Variants in LAMC2 observed in about 807,000 individuals in gnomAD.
LAMC2 encodes laminin subunit gamma 2.
Under a neutral mutation model 140.2 loss-of-function variants are expected in LAMC2, and 97 were observed. That is an observed-to-expected ratio of 0.69 (90% confidence interval 0.59 to 0.82). The LOEUF is 0.82. LAMC2 is among the 40% of genes least tolerant of loss of function. The pLI is 0.00. For missense variants in LAMC2, 1,402 were observed against 1,476.1 expected, an observed-to-expected ratio of 0.95 and a Z score of 0.82; for synonymous variants, 513 against 540.2, an observed-to-expected ratio of 0.95 and a Z score of 0.70.
chr1:183,237,630 G>A (rs988163779), intron 18 of LAMC2, 126 bp downstream of exon 18: 61 of 1,016,308 alleles, frequency 6.0e-5, no homozygotes, highest in South Asian at 9.9e-5. Flanking sequence ...TGTAATCCCC[G>A]CACTTTTGGA....
At chr1:183,249,202 T>C (rs942085558), downstream of LAMC2, 7 of 152,176 alleles carry the variant, frequency 4.6e-5, no homozygotes, top group Admixed American at 1.3e-4. Context: ...CTTGTTCCTA[T>C]GTACATTCAA....
chr1:183,201,360 G>C (rs1337653668), intron 1 of LAMC2, among the ~76,000 whole-genome samples: 1 of 151,958 alleles, frequency 6.6e-6, no homozygotes, highest in Non-Finnish European at 1.5e-5. Flanking sequence ...CCCATACCTG[G>C]GTTCCAACAC....
At chr1:183,202,876 G>T (rs575193133) in intron 1 of LAMC2, among the ~76,000 whole-genome samples, 5 of 152,246 alleles carry the variant, frequency 3.3e-5, no homozygotes, top group African/African-American at 1.2e-4. Flanking sequence ...CCATTGCCTA[G>T]AACTCAGGGA....
At position 183,221,768 on chromosome 1, in the gene LAMC2, C is replaced by T. The variant is rs639207; in HGVS notation, c.641-321C>T. Among the ~76,000 whole-genome samples, 801 of 149,730 alleles carry T rather than the reference C, an allele frequency of 5.3e-3. 7 individuals are homozygous for T. Among genetic ancestry groups the T allele is most frequent in the Non-Finnish European group, 9.6e-3 (648 of 67,690 alleles). On this transcript the variant is annotated intron_variant, in intron 5 of 22. Coordinates refer to ENST00000264144, the MANE Select transcript of LAMC2 (RefSeq NM_005562.3). ...TGAAAAAAAAATGAAAAGACTGGAC[C>T]CTCTCACTTCATTAAGGTGAGAGCT...
chr1:183,198,553 C>T (rs909709353), intron 1 of LAMC2, among the ~76,000 whole-genome samples: 3 of 152,136 alleles, frequency 2.0e-5, no homozygotes, highest in Non-Finnish European at 2.9e-5. Flanking sequence ...ACTAAGCAAC[C>T]GAAATGGTAG....
chr1:183,256,910 C>G, the LAMC2 span, among the ~76,000 whole-genome samples: 2 of 151,954 alleles, frequency 1.3e-5, no homozygotes, highest in Non-Finnish European at 2.9e-5. Context: ...TGCCACCATG[C>G]CTGGATAATT....
chr1:183,207,016 C>G (rs1325086251), intron 1 of LAMC2, among the ~76,000 whole-genome samples: 3 of 152,230 alleles, frequency 2.0e-5, no homozygotes, highest in African/African-American at 7.2e-5. Context: ...GAGGGATCCT[C>G]TTTACAATCC....
rs1180215752 is a variant in LAMC2 at position 183,240,031 on chromosome 1, T to A, written c.3070-9T>A. 19 of 1,614,192 alleles carry A rather than the reference T, an allele frequency of 1.2e-5. No individual in the cohort carries two copies. The highest frequency in any genetic ancestry group is 1.6e-5 in the Non-Finnish European group (19 of 1,180,014). On this transcript the variant is annotated splice_polypyrimidine_tract_variant and intron_variant, in intron 20 of 22. Coordinates refer to ENST00000264144, the MANE Select transcript of LAMC2 (RefSeq NM_005562.3). Reference sequence around the variant, plus strand: ...CTCCTTCCGTCCCTGGCTCCTTTTCTTCTCTCAGGAGATTGGGAGTCTGAA... The same window carrying A: ...CTCCTTCCGTCCCTGGCTCCTTTTCATCTCTCAGGAGATTGGGAGTCTGAA...
In LAMC2 at chr1:183,186,303, G is replaced by A; in HGVS notation, c.-50G>A. ...AGTGAGAACCACCAACCGAGGCGCC[G>A]GGCAGCGACCCCTGCAGCGGAGACA... On this transcript the variant is annotated 5_prime_UTR_variant, in exon 1 of 23. Coordinates refer to ENST00000264144, the MANE Select transcript of LAMC2 (RefSeq NM_005562.3). 3 of 1,550,318 alleles carry A rather than the reference G, an allele frequency of 1.9e-6. No homozygotes were observed. The highest frequency in any genetic ancestry group is 2.3e-5 in the East Asian group (1 of 42,962).
rs34536054 is a variant in LAMC2 at position 183,206,651 on chromosome 1, CA to C, written c.80-1213del. Among the ~76,000 whole-genome samples the C allele has an allele frequency of 7.9e-3, 993 of 125,926 alleles. 5 individuals carry two copies. Among genetic ancestry groups the C allele is most frequent in the Non-Finnish European group, 9.8e-3 (586 of 59,738 alleles). The allele number at this position is 125,926 out of a possible 152,430, so 82.6% of individuals were successfully genotyped here. A position where few individuals can be genotyped will look rare whatever the true frequency, so the allele number is the denominator to read the frequency against. The stretch of plus-strand genomic sequence containing the variant: ...TGGGCGACAGAGCAAGACTTGGTCT[CA>C]AAAAAAAAAAAAAAAAGATGTACAT... On this transcript the variant is annotated intron_variant, in intron 1 of 22. Transcript: ENST00000264144.
intron 15 of LAMC2, among the ~76,000 whole-genome samples, chr1:183,235,350 G>A (rs1473943212): frequency 6.6e-6 from 1 of 152,172 alleles, no homozygotes; most frequent in Non-Finnish European, 1.5e-5. Flanking sequence ...CAGTGATTAT[G>A]CCATAAACGG....
Position 183,208,011 on chromosome 1 carries a change from T to C in LAMC2, c.210T>C (p.Asn70=). ...TDGIHCEKCK[N]GFYRHRERDR... is the part of the protein sequence containing the mutation. ...GCATTCACTGCGAGAAGTGCAAGAA[T>C]GGCTTTTACCGGCACAGAGAAAGGG... The change falls in exon 2 of 23, where the codon AAT becomes AAC. Residue 70 remains asparagine (N), a synonymous_variant. Transcript: ENST00000264144. The C allele has an allele frequency of 1.2e-6, 2 of 1,614,140 alleles. No individual in the cohort carries two copies. The highest frequency in any genetic ancestry group is 1.7e-6 in the Non-Finnish European group (2 of 1,180,026).
At position 183,226,680 on chromosome 1, in the gene LAMC2, C is replaced by T; in HGVS notation, c.1067-18C>T. The T allele has an allele frequency of 6.2e-7, 1 of 1,607,782 alleles. No individual in the cohort carries two copies. Among genetic ancestry groups the T allele is most frequent in the Non-Finnish European group, 8.5e-7 (1 of 1,174,190 alleles). On this transcript the variant is annotated intron_variant, in intron 8 of 22. Coordinates refer to ENST00000264144, the MANE Select transcript of LAMC2 (RefSeq NM_005562.3). ...GACTGTACCACTTGCAACTTCTAAC[C>T]TGTTCTCTCGATTGCAGGTACTGGG... is the stretch of plus-strand genomic sequence containing the variant.
chr1:183,233,875 A>G (rs964591675), intron 14 of LAMC2, among the ~76,000 whole-genome samples: 55 of 149,676 alleles, frequency 3.7e-4, no homozygotes, highest in African/African-American at 1.3e-3. Flanking sequence ...TCTTGTCTAT[A>G]CATACTTTTT....
chr1:183,198,995 T>C (rs1571503653), intron 1 of LAMC2, among the ~76,000 whole-genome samples: 1 of 152,262 alleles, frequency 6.6e-6, no homozygotes, highest in African/African-American at 2.4e-5. Flanking sequence ...GAATGTCATA[T>C]ATGTAGACAA....
chr1:183,256,488 G>A, the LAMC2 span, among the ~76,000 whole-genome samples: 1 of 152,168 alleles, frequency 6.6e-6, no homozygotes, highest in South Asian at 2.1e-4. Context: ...TATTTAAACT[G>A]TTAAGAATCT....
In LAMC2 at chr1:183,243,978, A is replaced by G. The variant is rs1052381528; in HGVS notation, c.*578A>G. 1.2e-5 allele frequency: 2 copies of G among 165,902 alleles called. No homozygotes were observed. The highest frequency in any genetic ancestry group is 4.8e-5 in the African/African-American group (2 of 41,642). 10.3% of individuals were successfully genotyped at this position (165,902 alleles called of 1,614,324 possible). A position where few individuals can be genotyped will look rare whatever the true frequency, so the allele number is the denominator to read the frequency against. On this transcript the variant is annotated 3_prime_UTR_variant, in exon 23 of 23. Coordinates refer to ENST00000264144, the MANE Select transcript of LAMC2 (RefSeq NM_005562.3). Reference sequence around the variant, plus strand: ...CATTTTCAAGCTGGAAGAAGTGAGCAGTGTTGGAGTGAGGACCTGTAAGGC... The same window carrying G: ...CATTTTCAAGCTGGAAGAAGTGAGCGGTGTTGGAGTGAGGACCTGTAAGGC...
intron 17 of LAMC2, among the ~76,000 whole-genome samples, chr1:183,236,957 C>T (rs1209971668): frequency 6.6e-6 from 1 of 152,178 alleles, no homozygotes; most frequent in African/African-American, 2.4e-5. Context: ...TCTGAGATGA[C>T]TTCTTCTCAA....
chr1:183,206,741 G>T (rs1374822934), intron 1 of LAMC2, among the ~76,000 whole-genome samples: 1 of 152,070 alleles, frequency 6.6e-6, no homozygotes, highest in African/African-American at 2.4e-5. Context: ...GCAGGTGATG[G>T]CACATCTGTT....
Sources: gnomAD v4.1 joint callset for allele counts (sites outside exome capture counted in the v4.1 genomes callset) on GRCh38, gnomAD v4.1.1 for gene constraint, MANE v1.5 for transcripts, NCBI Gene and HGNC (gene_info 2026-07-23, HGNC 2026-07-21) for gene names.